The following UVRAG variants were observed in gnomAD, a reference collection of about 807,000 sequenced individuals.
The protein encoded by UVRAG is UV radiation resistance associated.
Under a neutral mutation model 78.0 loss-of-function variants are expected in UVRAG, and 19 were observed. That is an observed-to-expected ratio of 0.24 (90% confidence interval 0.17 to 0.36). UVRAG has a LOEUF of 0.36. Among genes scored for constraint, UVRAG ranks in the 10% least tolerant of loss-of-function variants. The pLI, the probability that UVRAG is intolerant of heterozygous loss-of-function variation, is 1.00. For synonymous variants in UVRAG, 323 were observed against 324.6 expected, an observed-to-expected ratio of 1.00 and a Z score of 0.05; for missense variants, 740 against 853.8, an observed-to-expected ratio of 0.87 and a Z score of 1.66.
intron 1 of UVRAG, among the ~76,000 whole-genome samples, chr11:75,842,464 C>T (rs1479636797): frequency 1.6e-4 from 21 of 132,314 alleles, no homozygotes; most frequent in Admixed American, 2.5e-4. Context: ...TTTTTTGAGA[C>T]GGAGTCTCAC....
chr11:76,121,448 A>G (rs567383964), intron 14 of UVRAG, among the ~76,000 whole-genome samples: 2 of 152,352 alleles, frequency 1.3e-5, no homozygotes, highest in South Asian at 4.1e-4. Flanking sequence ...GTTTTCTTTT[A>G]CTATTGCCTG....
At chr11:75,957,602 G>A (rs1336165469) in intron 6 of UVRAG, among the ~76,000 whole-genome samples, 2 of 152,032 alleles carry the variant, frequency 1.3e-5, no homozygotes, top group Non-Finnish European at 2.9e-5. Flanking sequence ...GTGATTAGGA[G>A]TCTCAAGCTA....
At chr11:75,989,416 G>A (rs1949563409) in intron 8 of UVRAG, among the ~76,000 whole-genome samples, 1 of 152,124 alleles carries the variant, frequency 6.6e-6, no homozygotes. Context: ...CCCATGTAGT[G>A]ATTTGGAGCC....
intron 6 of UVRAG, among the ~76,000 whole-genome samples, chr11:75,922,990 A>G (rs1948011284): frequency 6.9e-6 from 1 of 145,148 alleles, no homozygotes; most frequent in Admixed American, 6.8e-5. Flanking sequence ...AAATATATAT[A>G]CATATATTTT....
At chr11:75,842,965 T>C (rs947425787) in intron 1 of UVRAG, among the ~76,000 whole-genome samples, 17 of 152,334 alleles carry the variant, frequency 1.1e-4, no homozygotes, top group Non-Finnish European at 2.1e-4. Context: ...AGAACCATAC[T>C]ACTTTTGTTT....
At chr11:75,961,387 C>G in intron 6 of UVRAG, 57 bp from the exon 7 acceptor site, 1 of 1,351,838 alleles carries the variant, frequency 7.4e-7, no homozygotes, top group Non-Finnish European at 1.0e-6. Context: ...ATATCTGAGG[C>G]TCTTTGTTGA....
chr11:76,044,747 C>T (rs1950714270), intron 12 of UVRAG, among the ~76,000 whole-genome samples: 1 of 151,958 alleles, frequency 6.6e-6, no homozygotes, highest in Admixed American at 6.5e-5. Flanking sequence ...GCACTCCAGC[C>T]TAGGCTACGG....
chr11:76,123,952 G>C (rs143836396), intron 14 of UVRAG, among the ~76,000 whole-genome samples: 2,255 of 151,976 alleles, frequency 0.015, 52 homozygotes, highest in African/African-American at 0.051. Context: ...TTTTAGTAGA[G>C]ACAGGGTTTC....
chr11:76,125,454 T>C (rs1952367171), intron 14 of UVRAG, among the ~76,000 whole-genome samples: 1 of 152,168 alleles, frequency 6.6e-6, no homozygotes, highest in Non-Finnish European at 1.5e-5. Context: ...TTCCAGAGTT[T>C]AAACACCCTC....
In UVRAG at chr11:76,140,148, T is replaced by TCC. The variant is rs1198483528; in HGVS notation, c.1398-561_1398-560dup. On this transcript the variant is annotated intron_variant, in intron 14 of 14. Coordinates refer to ENST00000356136, the MANE Select transcript of UVRAG (RefSeq NM_003369.4). The stretch of plus-strand genomic sequence containing the variant: ...CTCTCTCTCTCTCTCTCTCTCTCTC[T>TCC]CCCTCCCTCCTCTGCCAGTCCTCTA... Among the ~76,000 whole-genome samples, 13 of 105,444 alleles carry TCC rather than the reference T, an allele frequency of 1.2e-4. No homozygotes were observed. In the East Asian group the frequency reaches 2.3e-3, roughly 18 times the overall value. 69.2% of individuals were successfully genotyped at this position (105,444 alleles called of 152,430 possible). A position where few individuals can be genotyped will look rare whatever the true frequency, so the allele number is the denominator to read the frequency against.
At chr11:75,859,940 C>A (rs982261763) in intron 2 of UVRAG, among the ~76,000 whole-genome samples, 1 of 152,054 alleles carries the variant, frequency 6.6e-6, no homozygotes, top group Non-Finnish European at 1.5e-5. Context: ...AGCCAGGTAA[C>A]AAAGTTTTAT....
chr11:75,854,807 GT>G (rs1180827828), intron 2 of UVRAG, among the ~76,000 whole-genome samples: 3 of 152,174 alleles, frequency 2.0e-5, no homozygotes, highest in Non-Finnish European at 4.4e-5. Context: ...CTACTATTTG[GT>G]TTAAGGGTTT....
chr11:75,918,505 C>A (rs1411992761), intron 6 of UVRAG, among the ~76,000 whole-genome samples: 1 of 152,080 alleles, frequency 6.6e-6, no homozygotes, highest in African/African-American at 2.4e-5. Flanking sequence ...GCAATACATG[C>A]CCTTAGGGAC....
intron 8 of UVRAG, 84 bp from the exon 9 acceptor site, chr11:76,003,921 G>A: frequency 8.0e-7 from 1 of 1,252,596 alleles, no homozygotes; most frequent in Non-Finnish European, 1.2e-6. Context: ...CCCTCTCACA[G>A]TCAGGGATTT....
intron 3 of UVRAG, 39 bp from the exon 4 acceptor site, chr11:75,879,836 CAAAT>C: frequency 6.3e-7 from 1 of 1,592,126 alleles, no homozygotes; most frequent in Non-Finnish European, 8.6e-7. Context: ...TAATCGTAAA[CAAAT>C]AGAGTTGTCC....
chr11:76,070,847 G>T (rs1475613998), intron 13 of UVRAG, among the ~76,000 whole-genome samples: 1 of 152,174 alleles, frequency 6.6e-6, no homozygotes, highest in Non-Finnish European at 1.5e-5. Flanking sequence ...GAATAGGAGA[G>T]CTATATTGCT....
intron 7 of UVRAG, among the ~76,000 whole-genome samples, chr11:75,972,129 C>T (rs1335945975): frequency 6.6e-6 from 1 of 151,956 alleles, no homozygotes; most frequent in South Asian, 2.1e-4. Context: ...ATTTTGGAGA[C>T]CAGTTCTTTA....
At chr11:76,059,228 C>T (rs1255806701) in intron 12 of UVRAG, among the ~76,000 whole-genome samples, 2 of 152,172 alleles carry the variant, frequency 1.3e-5, no homozygotes, top group Non-Finnish European at 2.9e-5. Context: ...GATAGTTTCT[C>T]CACTTTACAG....
At chr11:75,970,256 A>G (rs767159104) in intron 7 of UVRAG, among the ~76,000 whole-genome samples, 2 of 152,224 alleles carry the variant, frequency 1.3e-5, no homozygotes, top group Non-Finnish European at 2.9e-5. Context: ...AGTTTAAGCA[A>G]TGGTTTGATG....
Sources: gnomAD v4.1 joint callset for allele counts (sites outside exome capture counted in the v4.1 genomes callset) on GRCh38, gnomAD v4.1.1 for gene constraint, MANE v1.5 for transcripts, NCBI Gene and HGNC (gene_info 2026-07-23, HGNC 2026-07-21) for gene names.